The following SYCE1 variants were observed in gnomAD, a reference collection of about 807,000 sequenced individuals.
SYCE1 encodes cancer/testis antigen 76.
Under a neutral mutation model 55.1 loss-of-function variants are expected in SYCE1, and 37 were observed. That is an observed-to-expected ratio of 0.67 (90% CI 0.52 to 0.88). SYCE1 has a LOEUF of 0.88. Ranked by LOEUF, SYCE1 falls within the 40% of genes least tolerant of loss-of-function variation. The pLI, the probability that SYCE1 is intolerant of heterozygous loss-of-function variation, is 0.00. For missense variants in SYCE1, 399 were observed against 416.4 expected (o/e 0.96, Z 0.36); for synonymous variants, 163 against 159.4 (o/e 1.02, Z -0.17).
At chr10:133,568,225 G>A (rs879469692), upstream of SYCE1, 47 of 1,318,082 alleles carry the variant, frequency 3.6e-5, no homozygotes, top group Non-Finnish European at 5.0e-5. Context: ...GTTGCCTCCG[G>A]GAACCCAGTC....
intron 1 of SYCE1, among the ~76,000 whole-genome samples, chr10:133,565,006 G>A (rs945123883): frequency 2.0e-5 from 3 of 152,110 alleles, no homozygotes; most frequent in Middle Eastern, 3.2e-3. Context: ...GGCCTCCCCC[G>A]GCTCCCCGGG....
At chr10:133,554,766 A>G, downstream of SYCE1, 1 of 1,437,210 alleles carries the variant, frequency 7.0e-7, no homozygotes, top group African/African-American at 1.4e-5. Flanking sequence ...GCCCACTGTG[A>G]GAGCGTCTCG....
At chr10:133,559,248 C>G in intron 3 of SYCE1, 53 bp downstream of exon 3, 1 of 1,584,162 alleles carries the variant, frequency 6.3e-7, no homozygotes, top group African/African-American at 1.3e-5. Flanking sequence ...TGGCACTGAG[C>G]CCCGCAAACC....
upstream of SYCE1, among the ~76,000 whole-genome samples, chr10:133,567,129 T>A (rs1205076192): frequency 1.3e-5 from 2 of 150,312 alleles, no homozygotes; most frequent in East Asian, 4.0e-4. Context: ...AGGTTATGAG[T>A]TGAGGTTAGG....
At position 133,565,556 on chromosome 10, in the gene SYCE1, C is replaced by A; in HGVS notation, c.-27G>T. 1.3e-6 allele frequency: 2 copies of A among 1,546,718 alleles called. No individual in the cohort carries two copies. Among genetic ancestry groups the A allele is most frequent in the Non-Finnish European group, 1.7e-6 (2 of 1,145,818 alleles). Reference sequence around the variant, plus strand: ...TCCTCTCAGCTCGCCAGCGAGGGTGCCTCGGGAGGGAGCCTCCAGTGGTGA... The same window carrying A: ...TCCTCTCAGCTCGCCAGCGAGGGTGACTCGGGAGGGAGCCTCCAGTGGTGA... On this transcript the variant is annotated 5_prime_UTR_variant, in exon 1 of 13. Transcript: ENST00000343131.
At chr10:133,555,192 C>T in intron 12 of SYCE1, 63 bp from the exon 13 acceptor site, 2 of 1,531,812 alleles carry the variant, frequency 1.3e-6, no homozygotes, top group Admixed American at 2.0e-5. Flanking sequence ...ATGGTCCCCT[C>T]CTGCCCCATC....
intron 3 of SYCE1, 124 bp from the exon 4 acceptor site, chr10:133,559,075 G>A: frequency 9.1e-7 from 1 of 1,100,478 alleles, no homozygotes. Flanking sequence ...AGGAAACGAG[G>A]CTTCCAGCTC....
intron 1 of SYCE1, among the ~76,000 whole-genome samples, chr10:133,563,820 A>G (rs1469203083): frequency 6.6e-6 from 1 of 152,206 alleles, no homozygotes. Flanking sequence ...TAAGTTTTAA[A>G]TTATTCAAGT....
downstream of SYCE1, chr10:133,554,642 A>T (rs1382946470): frequency 1.0e-5 from 7 of 679,634 alleles, no homozygotes; most frequent in Non-Finnish European, 1.8e-5. Context: ...CTCATTTTTA[A>T]TTTTTTTTTT....
intron 1 of SYCE1, chr10:133,561,305 CTA>C (rs2133625606): frequency 6.6e-6 from 1 of 152,304 alleles, no homozygotes; most frequent in African/African-American, 2.4e-5. Flanking sequence ...GACAAATATC[CTA>C]TCAGTGCTTG....
Position 133,559,308 on chromosome 10 carries a change from G to C in SYCE1, c.189C>G (p.Val63=). 1 of 1,614,150 alleles carries C rather than the reference G, an allele frequency of 6.2e-7. No homozygotes were observed. The highest frequency in any genetic ancestry group is 1.1e-5 in the South Asian group (1 of 91,078). Reference sequence around the variant, plus strand: ...CAAGGCCCCTGAACTCACCTTGCTGGACCTCATTAATCCGGTTAATCAGGA... The same window carrying C: ...CAAGGCCCCTGAACTCACCTTGCTGCACCTCATTAATCCGGTTAATCAGGA... The part of the protein sequence containing the change: ...VEVLINRINE[V]QQAKKKANKD... Residue 63 remains valine (V), a synonymous_variant, in exon 3 of 13, where the codon GTC becomes GTG. Coordinates refer to ENST00000343131, the MANE Select transcript of SYCE1 (RefSeq NM_001143764.3).
intron 1 of SYCE1, among the ~76,000 whole-genome samples, chr10:133,562,085 T>A (rs1487117639): frequency 6.6e-6 from 1 of 151,996 alleles, no homozygotes; most frequent in Non-Finnish European, 1.5e-5. Flanking sequence ...TTCTGTCTTC[T>A]TTTTTCCATG....
At position 133,555,992 on chromosome 10, in the gene SYCE1, A is replaced by T. The variant is rs1453200017; in HGVS notation, c.584T>A (p.Leu195Gln). 1.2e-6 allele frequency: 2 copies of T among 1,614,070 alleles called. No homozygotes were observed. The highest frequency in any genetic ancestry group is 2.7e-5 in the African/African-American group (2 of 74,938). ...ICALDSSKEQ[L>Q]LKEEKLVKAT... ...TTCCCTGGTCTCACCTTCCTTGAGCAGCTGCTCCTTGCTGCTGTCCAGGGC... is the reference window on the plus strand; with the variant it reads ...TTCCCTGGTCTCACCTTCCTTGAGCTGCTGCTCCTTGCTGCTGTCCAGGGC... The change falls in exon 9 of 13, where the codon CTG (leucine) becomes CAG (glutamine). Residue 195 changes from leucine to glutamine, a missense_variant. Leu to Gln is a moderately radical substitution (Grantham distance 113, BLOSUM62 -2). Transcript: ENST00000343131.
chr10:133,567,040 G>A (rs114993466), upstream of SYCE1, among the ~76,000 whole-genome samples: 1,885 of 151,538 alleles, frequency 0.012, no homozygotes, highest in African/African-American at 0.044. Context: ...TTAGGGGTAG[G>A]CATAGGTTCG....
downstream of SYCE1, chr10:133,554,641 A>T (rs1427286875): frequency 2.8e-6 from 2 of 726,210 alleles, no homozygotes; most frequent in Admixed American, 1.8e-5. Context: ...CCTCATTTTT[A>T]ATTTTTTTTT....
At chr10:133,554,762 T>G, downstream of SYCE1, 1 of 1,422,982 alleles carries the variant, frequency 7.0e-7, no homozygotes, top group Non-Finnish European at 9.5e-7. Flanking sequence ...CTGGGCCCAC[T>G]GTGAGAGCGT....
chr10:133,554,445 C>A, downstream of SYCE1: 1 of 929,450 alleles, frequency 1.1e-6, no homozygotes, highest in South Asian at 1.4e-5. Context: ...GAATTTGAAA[C>A]ATGTATCAGA....
At chr10:133,557,996 G>T in intron 5 of SYCE1, 78 bp from the exon 6 acceptor site, 1 of 1,569,380 alleles carries the variant, frequency 6.4e-7, no homozygotes, top group Non-Finnish European at 8.8e-7. Flanking sequence ...GCCAGATCAT[G>T]TCAGGTCTGT....
chr10:133,562,269 G>A (rs1431652204), intron 1 of SYCE1, among the ~76,000 whole-genome samples: 2 of 3,182 alleles, frequency 6.3e-4, no homozygotes, highest in African/African-American at 8.7e-4. Flanking sequence ...CAATGTGTGT[G>A]TGTGTGTGTG....
Sources: gnomAD v4.1 joint callset for allele counts (sites outside exome capture counted in the v4.1 genomes callset) on GRCh38, gnomAD v4.1.1 for gene constraint, MANE v1.5 for transcripts, NCBI Gene and HGNC (gene_info 2026-07-23, HGNC 2026-07-21) for gene names.